ERBB4: variants seen among roughly 807,000 people sequenced by gnomAD.
The protein encoded by ERBB4 is receptor tyrosine-protein kinase erbB-4.
ERBB4 carries 42 observed loss-of-function variants against 158.0 expected under a neutral mutation model. The ratio of observed to expected loss-of-function variants is 0.27; its 90% CI spans 0.21 to 0.34. The LOEUF is 0.34. ERBB4 is among the 10% of genes least tolerant of loss of function. The pLI, the probability that ERBB4 is intolerant of heterozygous loss-of-function variation, is 1.00. For missense variants in ERBB4, 1,333 were observed against 1,624.1 expected, an observed-to-expected ratio of 0.82 and a Z score of 3.08; for synonymous variants, 583 against 558.7, an observed-to-expected ratio of 1.04 and a Z score of -0.61.
In ERBB4 at chr2:211,619,211, G is replaced by A. The variant is rs1559353656; in HGVS notation, c.2267C>T (p.Thr756Ile). 1 of 1,611,818 alleles carries A rather than the reference G, an allele frequency of 6.2e-7. No individual in the cohort carries two copies. The highest frequency in any genetic ancestry group is 8.5e-7 in the Non-Finnish European group (1 of 1,178,216). The change falls in exon 19 of 28, where the codon ACA (threonine) becomes ATA (isoleucine). Residue 756 changes from threonine (T) to isoleucine (I), a missense_variant. This residue lies in a region of ERBB4 where 314 missense variants were observed against 437.6 expected (regional missense o/e 0.72). Coordinates refer to ENST00000342788, the MANE Select transcript of ERBB4 (RefSeq NM_005235.3). Reference sequence around the variant, plus strand: ...CTCCACATTTGCCTTGGGACCAGTTGTCTCATTAAGAATCTTAATAGCCAC... The same window carrying A: ...CTCCACATTTGCCTTGGGACCAGTTATCTCATTAAGAATCTTAATAGCCAC... ...IPVAIKILNE[T>I]TGPKANVEFM...
intron 20 of ERBB4, among the ~76,000 whole-genome samples, chr2:211,504,386 T>A (rs1219565771): frequency 1.3e-5 from 2 of 150,804 alleles, no homozygotes; most frequent in East Asian, 3.9e-4. Context: ...TAATAGTACA[T>A]AGAAGCAAAG....
At chr2:211,534,262 C>T (rs1261713439) in intron 20 of ERBB4, among the ~76,000 whole-genome samples, 1 of 152,082 alleles carries the variant, frequency 6.6e-6, no homozygotes, top group Non-Finnish European at 1.5e-5. Context: ...TACAGGTATA[C>T]TTATGACTTG....
At chr2:211,762,053 A>G (rs1467268697) in intron 4 of ERBB4, among the ~76,000 whole-genome samples, 2 of 152,240 alleles carry the variant, frequency 1.3e-5, no homozygotes, top group African/African-American at 4.8e-5. Flanking sequence ...ATCACATGCA[A>G]AGTACCTGGC....
At chr2:211,658,337 G>T (rs569012514) in intron 15 of ERBB4, among the ~76,000 whole-genome samples, 1 of 151,956 alleles carries the variant, frequency 6.6e-6, no homozygotes, top group Admixed American at 6.5e-5. Context: ...GACTATAATT[G>T]TTTTCTTGTG....
intron 3 of ERBB4, among the ~76,000 whole-genome samples, chr2:211,803,450 T>C (rs1276669615): frequency 6.6e-6 from 1 of 152,124 alleles, no homozygotes; most frequent in Admixed American, 6.6e-5. Context: ...CTTAAACATC[T>C]CCTGGTATTT....
chr2:212,323,873 T>C (rs1478806405), intron 1 of ERBB4, among the ~76,000 whole-genome samples: 1 of 150,456 alleles, frequency 6.6e-6, no homozygotes, highest in Non-Finnish European at 1.5e-5. Context: ...CTGGCACCTC[T>C]TTATTGACTG....
chr2:212,427,534 T>TATGAG (rs1375298903), intron 1 of ERBB4, among the ~76,000 whole-genome samples: 1 of 152,162 alleles, frequency 6.6e-6, no homozygotes, highest in African/African-American at 2.4e-5. Flanking sequence ...TTTCGCACTG[T>TATGAG]ATGAGATAGT....
intron 17 of ERBB4, among the ~76,000 whole-genome samples, chr2:211,625,760 T>G: frequency 6.6e-6 from 1 of 152,286 alleles, no homozygotes; most frequent in Middle Eastern, 3.4e-3. Flanking sequence ...TGAATCATTT[T>G]TAAAAATCAT....
chr2:211,474,977 A>C (rs577354037), intron 20 of ERBB4, among the ~76,000 whole-genome samples: 1 of 152,150 alleles, frequency 6.6e-6, no homozygotes, highest in East Asian at 1.9e-4. Flanking sequence ...ATGGGAAGCT[A>C]AGTCAGGGAT....
At chr2:212,483,040 T>C (rs970606328) in intron 1 of ERBB4, among the ~76,000 whole-genome samples, 3 of 147,184 alleles carry the variant, frequency 2.0e-5, no homozygotes, top group African/African-American at 5.4e-5. Context: ...TGTGAGCAGA[T>C]AGATAGAACA....
intron 20 of ERBB4, among the ~76,000 whole-genome samples, chr2:211,463,577 A>G (rs2064594473): frequency 6.6e-6 from 1 of 152,154 alleles, no homozygotes; most frequent in Non-Finnish European, 1.5e-5. Context: ...GTCAGGCGGT[A>G]CTTCACAAAG....
chr2:211,950,790 C>G (rs529863019), intron 2 of ERBB4, among the ~76,000 whole-genome samples: 1 of 152,008 alleles, frequency 6.6e-6, no homozygotes, highest in Admixed American at 6.6e-5. Flanking sequence ...AGGGGTGAAA[C>G]TCAGCAGTGA....
intron 2 of ERBB4, among the ~76,000 whole-genome samples, chr2:212,050,806 C>T (rs1255622530): frequency 3.3e-5 from 5 of 151,962 alleles, no homozygotes; most frequent in East Asian, 3.8e-4. Flanking sequence ...AACTAAGAAC[C>T]GAATACTTGT....
intron 2 of ERBB4, among the ~76,000 whole-genome samples, chr2:212,049,031 G>A (rs138273803): frequency 1.3e-4 from 20 of 152,302 alleles, no homozygotes; most frequent in Non-Finnish European, 2.4e-4. Flanking sequence ...AAAGGACCCA[G>A]CTAAAGTTTA....
At chr2:212,127,673 A>G (rs962710546) in intron 1 of ERBB4, among the ~76,000 whole-genome samples, 4 of 152,190 alleles carry the variant, frequency 2.6e-5, no homozygotes, top group African/African-American at 9.6e-5. Flanking sequence ...AACCCAAGAC[A>G]ATTCTTTTTT....
chr2:211,534,008 C>T (rs972941289), intron 20 of ERBB4, among the ~76,000 whole-genome samples: 7 of 152,050 alleles, frequency 4.6e-5, no homozygotes, highest in African/African-American at 1.4e-4. Context: ...AACCATTGCT[C>T]CAACGTAACT....
At chr2:212,383,532 T>C (rs866073689) in intron 1 of ERBB4, among the ~76,000 whole-genome samples, 47 of 151,648 alleles carry the variant, frequency 3.1e-4, no homozygotes, top group Non-Finnish European at 5.6e-4. Flanking sequence ...CTTGACACTT[T>C]AGTGGATATT....
intron 1 of ERBB4, among the ~76,000 whole-genome samples, chr2:212,302,955 A>G (rs1248869846): frequency 1.3e-5 from 2 of 151,494 alleles, no homozygotes; most frequent in African/African-American, 4.8e-5. Context: ...AAGATGAAAG[A>G]GGGGGAGGAG....
intron 7 of ERBB4, among the ~76,000 whole-genome samples, chr2:211,717,685 T>C (rs937181980): frequency 2.6e-5 from 2 of 77,816 alleles, no homozygotes; most frequent in South Asian, 4.1e-4. Context: ...AAAAATTAGC[T>C]GGGCGTGGTG....
Sources: gnomAD v4.1 joint callset for allele counts (sites outside exome capture counted in the v4.1 genomes callset) on GRCh38, gnomAD v4.1.1 for gene constraint, gnomAD v4.1.1 regional missense constraint, MANE v1.5 for transcripts, NCBI Gene and HGNC (gene_info 2026-07-23, HGNC 2026-07-21) for gene names.